The following RNF212B variants were observed in gnomAD, a reference collection of about 807,000 sequenced individuals.
RNF212B encodes the protein E3 ubiquitin-protein ligase RNF212B.
A neutral mutation model predicts 55.5 loss-of-function variants in RNF212B; 52 were observed. The observed-to-expected ratio is 0.94, with a 90% CI of 0.75 to 1.18. The LOEUF is 1.18. Ranked by LOEUF, RNF212B falls within the 50% of genes most tolerant of loss-of-function variation. The pLI, the probability that RNF212B is intolerant of heterozygous loss-of-function variation, is 0.00. For missense variants in RNF212B, 289 were observed against 350.4 expected (o/e 0.82, Z 1.40); for synonymous variants, 99 against 121.4 (o/e 0.82, Z 1.21).
At chr14:23,264,516 C>T (rs3811180) in intron 10 of RNF212B, 107 bp from the exon 11 acceptor site, 253,349 of 829,808 alleles carry the variant, frequency 0.31, 42,152 homozygotes, top group African/African-American at 0.56. Context: ...ATGCCCACTG[C>T]AGTAGAACAA....
intron 2 of RNF212B, among the ~76,000 whole-genome samples, chr14:23,219,742 G>A (rs538631763): frequency 1.3e-5 from 2 of 152,180 alleles, no homozygotes; most frequent in South Asian, 4.2e-4. Flanking sequence ...AAAGTGCTGG[G>A]ATTACAGACA....
chr14:23,269,987 A>C (rs758144244), intron 13 of RNF212B, 27 bp downstream of exon 13: 4 of 1,215,936 alleles, frequency 3.3e-6, no homozygotes, highest in Middle Eastern at 1.9e-4. Context: ...TTCCAAAGGA[A>C]TGGAGCTTCA....
At chr14:23,256,930 G>A (rs1440765319) in intron 4 of RNF212B, among the ~76,000 whole-genome samples, 4 of 152,198 alleles carry the variant, frequency 2.6e-5, no homozygotes, top group African/African-American at 4.8e-5. Context: ...TGAGGCAGGT[G>A]GATCACGAGG....
Position 23,190,756 on chromosome 14 carries a change from C to T in RNF212B, c.-78-2569C>T, listed in dbSNP as rs182080114. 3.4e-3 allele frequency among the ~76,000 whole-genome samples: 525 copies of T among 152,324 alleles called. 4 individuals are homozygous for T. The highest frequency in any genetic ancestry group is 0.012 in the African/African-American group (504 of 41,586). On this transcript the variant is annotated intron_variant, in intron 1 of 15. Coordinates refer to the RNF212B transcript ENST00000399910. ...TTCGTAATCACAGATCAGGTCATGT[C>T]CCTCCCCTGTTCAAAACCCTCCAAC...
rs184488592 is a variant in RNF212B, at chr14:23,228,656, A to C, written c.-1-11689A>C. Among the ~76,000 whole-genome samples, 9 of 151,968 alleles carry C rather than the reference A, an allele frequency of 5.9e-5. No individual in the cohort carries two copies. In the East Asian group the frequency reaches 7.7e-4, roughly 13 times the overall value. The stretch of plus-strand genomic sequence containing the variant: ...AGAGCAAGACTCTCTAAAAAAACAA[A>C]AAAACAAAACAAAACAAAACAAAAA... On this transcript the variant is annotated intron_variant, in intron 2 of 15. Transcript: ENST00000399910.
At chr14:23,228,540 C>T (rs1474349356) in intron 2 of RNF212B, among the ~76,000 whole-genome samples, 2 of 148,376 alleles carry the variant, frequency 1.3e-5, no homozygotes, top group Admixed American at 1.3e-4. Context: ...GGAGGATGAG[C>T]AGGGAGGATG....
intron 10 of RNF212B, 116 bp downstream of exon 10, chr14:23,264,350 C>A: frequency 2.3e-6 from 2 of 872,538 alleles, no homozygotes; most frequent in Non-Finnish European, 3.5e-6. Context: ...TGATGTCATA[C>A]TGGACCCTAT....
chr14:23,218,323 G>T (rs527620055), intron 2 of RNF212B, among the ~76,000 whole-genome samples: 3 of 151,676 alleles, frequency 2.0e-5, no homozygotes, highest in African/African-American at 7.3e-5. Flanking sequence ...AGCCAAGATT[G>T]CACCTCTGCA....
At chr14:23,216,103 G>A (rs1384692031) in intron 2 of RNF212B, among the ~76,000 whole-genome samples, 2 of 152,104 alleles carry the variant, frequency 1.3e-5, no homozygotes, top group African/African-American at 2.4e-5. Flanking sequence ...AAAATTAGCT[G>A]AGTGTGGTGG....
chr14:23,208,764 T>TTTTG (rs1165685529), intron 2 of RNF212B, among the ~76,000 whole-genome samples: 1,618 of 129,768 alleles, frequency 0.012, 60 homozygotes, highest in Non-Finnish European at 0.017. Context: ...GCCGTTTTTT[T>TTTTG]TTTTTTTTTT....
At chr14:23,230,845 T>G (rs1016115699) in intron 2 of RNF212B, among the ~76,000 whole-genome samples, 6 of 152,084 alleles carry the variant, frequency 3.9e-5, no homozygotes, top group Non-Finnish European at 7.4e-5. Flanking sequence ...TGGACATAGT[T>G]TTCCCAGCAC....
Position 23,223,646 on chromosome 14 carries a change from C to T in RNF212B, c.-1-16699C>T, listed in dbSNP as rs528814592. On this transcript the variant is annotated intron_variant, in intron 2 of 15. Transcript: ENST00000399910. ...CTGGGATTACAGGCGTGAGCCACCG[C>T]GCCCGGCCAAGCCTTTCTTTTCAGA... 8.5e-5 allele frequency among the ~76,000 whole-genome samples: 13 copies of T among 152,298 alleles called. No individual in the cohort carries two copies. In the East Asian group the frequency reaches 1.9e-3, roughly 23 times the overall value.
At position 23,214,704 on chromosome 14, in the gene RNF212B, C is replaced by T. The variant is rs569158019; in HGVS notation, c.-2+21303C>T. ...AATAATAATCAAAATAGAGAGAAAA[C>T]GGGCATAACTAATGTCAGGACTTCA... On this transcript the variant is annotated intron_variant, in intron 2 of 15. Transcript: ENST00000399910. Among the ~76,000 whole-genome samples the T allele has an allele frequency of 3.3e-4, 50 of 151,486 alleles. No individual in the cohort carries two copies. In the South Asian group the frequency reaches 6.0e-3, roughly 18 times the overall value.
At chr14:23,247,648 T>C (rs932381580) in intron 4 of RNF212B, among the ~76,000 whole-genome samples, 11 of 152,226 alleles carry the variant, frequency 7.2e-5, no homozygotes, top group African/African-American at 2.7e-4. Context: ...TAAATGGATA[T>C]ACATTTTACT....
At chr14:23,204,222 T>C (rs1354638767) in intron 2 of RNF212B, among the ~76,000 whole-genome samples, 9 of 152,230 alleles carry the variant, frequency 5.9e-5, no homozygotes, top group African/African-American at 1.4e-4. Flanking sequence ...AATAACTCTT[T>C]AGTTTAATTA....
chr14:23,202,713 T>C (rs1387731297), intron 2 of RNF212B, among the ~76,000 whole-genome samples: 2 of 152,090 alleles, frequency 1.3e-5, no homozygotes, highest in Admixed American at 6.5e-5. Flanking sequence ...TAGCCGGGCA[T>C]GGTGGTGGGC....
intron 2 of RNF212B, among the ~76,000 whole-genome samples, chr14:23,221,578 A>G (rs531785948): frequency 1.3e-5 from 2 of 152,364 alleles, no homozygotes. Context: ...AGCATTGGAC[A>G]GATCTCCCAG....
At chr14:23,194,641 A>G (rs1160978704) in intron 2 of RNF212B, among the ~76,000 whole-genome samples, 1 of 146,258 alleles carries the variant, frequency 6.8e-6, no homozygotes, top group Non-Finnish European at 1.5e-5. Flanking sequence ...AGGCTGAGGC[A>G]TGAGAATCGC....
chr14:23,270,660 A>G lies in RNF212B; in HGVS notation c.833A>G (p.Gln278Arg), dbSNP rs1401327368. Residue 278 changes from glutamine (Q) to arginine (R), a missense_variant and splice_region_variant, in exon 14 of 15, where the codon CAG (glutamine) becomes CGG (arginine). Coordinates refer to ENST00000430154, the MANE Select transcript of RNF212B (RefSeq NM_001282322.3). ...SLPSFQLPVL[Q>R]TLYQQRRHMG... ...CCTAGTTTCCAGCTACCAGTCCTGC[A>G]GGTGAGACCTGGCTAGTCTAACTTG... The G allele has an allele frequency of 5.8e-6, 9 of 1,546,656 alleles. No individual in the cohort carries two copies. Among genetic ancestry groups the G allele is most frequent in the African/African-American group, 1.4e-5 (1 of 72,980 alleles).
Sources: gnomAD v4.1 joint callset for allele counts (sites outside exome capture counted in the v4.1 genomes callset) on GRCh38, gnomAD v4.1.1 for gene constraint, MANE v1.5 for transcripts, NCBI Gene and HGNC (gene_info 2026-07-23, HGNC 2026-07-21) for gene names.